Variants in PHF20 observed in about 807,000 individuals in gnomAD.
PHF20 encodes glioma-expressed antigen 2.
A neutral mutation model predicts 113.5 loss-of-function variants in PHF20; 23 were observed. That is an observed-to-expected ratio of 0.20 (90% CI 0.15 to 0.29). The LOEUF (loss-of-function observed/expected upper bound fraction) is 0.29. Among genes scored for constraint, PHF20 ranks in the 10% least tolerant of loss-of-function variants. PHF20 has a pLI of 1.00. For synonymous variants in PHF20, 434 were observed against 457.3 expected (o/e 0.95, Z 0.65); for missense variants, 943 against 1,219.6 (o/e 0.77, Z 3.38).
intron 15 of PHF20, among the ~76,000 whole-genome samples, chr20:35,935,393 G>A (rs1330328189): frequency 6.6e-6 from 1 of 152,084 alleles, no homozygotes; most frequent in African/African-American, 2.4e-5. Context: ...TGAGACAAGG[G>A]TCTCACTCTG....
intron 9 of PHF20, among the ~76,000 whole-genome samples, chr20:35,889,383 A>G (rs1017791427): frequency 1.3e-5 from 2 of 151,432 alleles, no homozygotes; most frequent in African/African-American, 4.9e-5. Context: ...TTATTTTGAG[A>G]CAGAGTCTCA....
At chr20:35,913,957 G>A in intron 11 of PHF20, 76 bp from the exon 12 acceptor site, 1 of 1,418,668 alleles carries the variant, frequency 7.0e-7, no homozygotes, top group Non-Finnish European at 9.9e-7. Context: ...GAGGCTTGTT[G>A]GTTGGATGAG....
intron 4 of PHF20, among the ~76,000 whole-genome samples, chr20:35,854,756 G>A (rs1287896212): frequency 3.9e-5 from 6 of 152,178 alleles, no homozygotes; most frequent in Non-Finnish European, 7.3e-5. Flanking sequence ...TTAGACTGAG[G>A]AGCTTGAGCA....
chr20:35,851,477 A>G (rs1165939996), intron 4 of PHF20, among the ~76,000 whole-genome samples: 1 of 152,142 alleles, frequency 6.6e-6, no homozygotes, highest in Non-Finnish European at 1.5e-5. Flanking sequence ...CTGTGTGAAC[A>G]GCTTTGTAGA....
intron 2 of PHF20, among the ~76,000 whole-genome samples, chr20:35,824,858 G>A (rs2042235534): frequency 2.0e-5 from 3 of 152,156 alleles, no homozygotes; most frequent in Non-Finnish European, 4.4e-5. Context: ...GAGTCATACA[G>A]TAGGTGACTA....
chr20:35,775,797 T>TGGTTTC (rs1288638505), intron 1 of PHF20, among the ~76,000 whole-genome samples: 70 of 149,878 alleles, frequency 4.7e-4, no homozygotes, highest in Non-Finnish European at 1.8e-4. Context: ...TCCAGGAGTT[T>TGGTTTC]GGTTTCTGTG....
Position 35,871,039 on chromosome 20 carries a change from C to T in PHF20, c.1007C>T (p.Thr336Ile). The change falls in exon 8 of 18, where the codon ACC becomes ATC. Residue 336 changes from threonine to isoleucine, a missense_variant. Physicochemically the swap from Thr to Ile is moderately conservative, Grantham distance 89. Transcript: ENST00000374012. ...RRSSRLSTNG[T>I]HEILDPDLVV... The stretch of plus-strand genomic sequence containing the variant: ...TCCTCCAGGCTGTCCACTAATGGGA[C>T]CCATGAGATCCTAGATCCTGACTTG... 1 of 1,612,690 alleles carries T rather than the reference C, an allele frequency of 6.2e-7. No individual in the cohort carries two copies. The highest frequency in any genetic ancestry group is 8.5e-7 in the Non-Finnish European group (1 of 1,179,508).
chr20:35,876,968 G>C (rs1041942967), intron 9 of PHF20, among the ~76,000 whole-genome samples: 2 of 151,510 alleles, frequency 1.3e-5, no homozygotes, highest in African/African-American at 4.9e-5. Context: ...TTGGCCGGGC[G>C]TGGTGGCTGG....
At chr20:35,816,887 G>T (rs1453185024) in intron 2 of PHF20, among the ~76,000 whole-genome samples, 1 of 151,810 alleles carries the variant, frequency 6.6e-6, no homozygotes, top group African/African-American at 2.4e-5. Flanking sequence ...TGCCTCCTGG[G>T]TTCTAGCGAT....
intron 15 of PHF20, among the ~76,000 whole-genome samples, chr20:35,931,959 A>G (rs2147115368): frequency 6.6e-6 from 1 of 152,282 alleles, no homozygotes; most frequent in African/African-American, 2.4e-5. Flanking sequence ...CTCAAAAAAA[A>G]AAAGAGTTCA....
intron 10 of PHF20, among the ~76,000 whole-genome samples, chr20:35,904,345 C>T (rs1399100511): frequency 1.5e-5 from 2 of 131,780 alleles, no homozygotes; most frequent in African/African-American, 3.0e-5. Flanking sequence ...AGTGCAGTGG[C>T]GTGATCTTGG....
chr20:35,794,162 G>A (rs980176533), intron 1 of PHF20, among the ~76,000 whole-genome samples: 4 of 151,672 alleles, frequency 2.6e-5, no homozygotes, highest in South Asian at 2.1e-4. Context: ...TTAGCCAGGC[G>A]TGGTGGCACA....
At chr20:35,908,530 T>C (rs1254391672) in intron 10 of PHF20, among the ~76,000 whole-genome samples, 1 of 152,214 alleles carries the variant, frequency 6.6e-6, no homozygotes, top group East Asian at 1.9e-4. Flanking sequence ...ATGGGTATAA[T>C]TACTTTAGTT....
rs750777747 is a variant in PHF20, at chr20:35,938,935, T to A, written c.2539T>A (p.Tyr847Asn). Residue 847 changes from tyrosine (Y) to asparagine (N), a missense_variant, in exon 16 of 18, where the codon TAT (tyrosine) becomes AAT (asparagine). Tyr to Asn is a moderately radical substitution (Grantham distance 143, BLOSUM62 -2). Coordinates refer to ENST00000374012, the MANE Select transcript of PHF20 (RefSeq NM_016436.5). Reference protein sequence around the residue: ...SEHCYQKPRAYYPAVEQKLVV... With the variant: ...SEHCYQKPRANYPAVEQKLVV... ...GCATTGCTACCAGAAGCCCCGCGCC[T>A]ATTACCCTGCCGTGGAGCAGAAGCT... 17 of 1,614,034 alleles carry A rather than the reference T, an allele frequency of 1.1e-5. No individual in the cohort carries two copies. The highest frequency in any genetic ancestry group is 1.3e-5 in the Non-Finnish European group (15 of 1,180,034).
chr20:35,872,910 G>A (rs1455904041), intron 9 of PHF20, among the ~76,000 whole-genome samples: 2 of 152,164 alleles, frequency 1.3e-5, no homozygotes, highest in Admixed American at 6.5e-5. Flanking sequence ...TTAGATCAAG[G>A]TAGTTGATGG....
chr20:35,878,826 A>G (rs2054576561), intron 9 of PHF20: 1 of 585,972 alleles, frequency 1.7e-6, no homozygotes, highest in East Asian at 2.9e-5. Context: ...AAATAAACTA[A>G]TTTGTATGGG....
chr20:35,811,267 G>A (rs2041972475), intron 2 of PHF20, among the ~76,000 whole-genome samples: 1 of 152,012 alleles, frequency 6.6e-6, no homozygotes, highest in Non-Finnish European at 1.5e-5. Context: ...AGATGATCTT[G>A]ATCTCTTGAC....
chr20:35,909,925 CT>C (rs2055266544), intron 10 of PHF20, among the ~76,000 whole-genome samples: 1 of 152,134 alleles, frequency 6.6e-6, no homozygotes, highest in African/African-American at 2.4e-5. Flanking sequence ...TTTCACCTCT[CT>C]GAGCTTCAGT....
intron 6 of PHF20, among the ~76,000 whole-genome samples, chr20:35,865,590 C>T (rs531265651): frequency 6.7e-6 from 1 of 148,442 alleles, no homozygotes; most frequent in South Asian, 2.2e-4. Context: ...CCATTCTCCA[C>T]CTCCTAGGCT....
Sources: allele counts gnomAD v4.1 joint callset (sites outside exome capture counted in the v4.1 genomes callset), GRCh38; gene constraint gnomAD v4.1.1; transcripts MANE v1.5; gene names NCBI Gene and HGNC (gene_info 2026-07-23, HGNC 2026-07-21).